Variants in B3GLCT observed in about 807,000 individuals in gnomAD.
B3GLCT encodes the protein beta 3-glucosyltransferase, also known as beta-1,3-glucosyltransferase.
In B3GLCT, 65 loss-of-function variants were observed where a neutral mutation model predicts 63.4. The ratio of observed to expected loss-of-function variants is 1.03; its 90% CI spans 0.84 to 1.26. B3GLCT has a LOEUF of 1.26. B3GLCT is among the 50% of genes most tolerant of loss of function. B3GLCT has a pLI of 0.00. For missense variants in B3GLCT, 577 were observed against 604.8 expected (o/e 0.95, Z 0.48); for synonymous variants, 233 against 219.2 (o/e 1.06, Z -0.55).
chr13:31,222,859 G>C, intron 2 of B3GLCT, 93 bp from the exon 3 acceptor site: 1 of 872,458 alleles, frequency 1.1e-6, no homozygotes, highest in East Asian at 2.5e-5. Flanking sequence ...CCCATGTGCT[G>C]ATACATACCA....
At chr13:31,300,824 G>A (rs1413272822) in intron 12 of B3GLCT, among the ~76,000 whole-genome samples, 1 of 152,122 alleles carries the variant, frequency 6.6e-6, no homozygotes, top group Non-Finnish European at 1.5e-5. Flanking sequence ...GAGCAGTAAG[G>A]GATGATAAAA....
intron 12 of B3GLCT, among the ~76,000 whole-genome samples, chr13:31,288,441 A>T (rs777136457): frequency 3.3e-5 from 5 of 152,194 alleles, no homozygotes; most frequent in East Asian, 1.9e-4. Flanking sequence ...AGGCCCAAGA[A>T]TCAGCCATTC....
chr13:31,300,480 ATTAC>A (rs1322122685), intron 12 of B3GLCT, among the ~76,000 whole-genome samples: 1 of 152,208 alleles, frequency 6.6e-6, no homozygotes, highest in Non-Finnish European at 1.5e-5. Context: ...GACTGGAGTT[ATTAC>A]TTAAAGTAGT....
chr13:31,295,237 T>A (rs1005487038), intron 12 of B3GLCT, among the ~76,000 whole-genome samples: 1 of 152,322 alleles, frequency 6.6e-6, no homozygotes, highest in Non-Finnish European at 1.5e-5. Context: ...CTCTGCTGTA[T>A]GAGGAGTCTG....
chr13:31,205,894 A>G (rs1868925427), intron 1 of B3GLCT, among the ~76,000 whole-genome samples: 2 of 152,260 alleles, frequency 1.3e-5, no homozygotes, highest in Admixed American at 1.3e-4. Flanking sequence ...GTATCATCAA[A>G]TAAGAGTTGA....
chr13:31,221,373 G>C (rs1225528246), intron 2 of B3GLCT, among the ~76,000 whole-genome samples: 1 of 152,210 alleles, frequency 6.6e-6, no homozygotes, highest in Non-Finnish European at 1.5e-5. Flanking sequence ...CTGGTCAAGA[G>C]TGGCATTTAG....
intron 6 of B3GLCT, among the ~76,000 whole-genome samples, chr13:31,257,880 G>A (rs1566066519): frequency 6.6e-6 from 1 of 152,124 alleles, no homozygotes; most frequent in African/African-American, 2.4e-5. Context: ...TCTATTACAT[G>A]TTAGGTGTAC....
At chr13:31,297,243 C>T (rs928538287) in intron 12 of B3GLCT, among the ~76,000 whole-genome samples, 2 of 152,066 alleles carry the variant, frequency 1.3e-5, no homozygotes, top group Non-Finnish European at 2.9e-5. Flanking sequence ...ATGACTAGAT[C>T]ATATGGTAAT....
chr13:31,280,449 C>T (rs528597235), intron 10 of B3GLCT, among the ~76,000 whole-genome samples: 3 of 152,236 alleles, frequency 2.0e-5, no homozygotes, highest in Non-Finnish European at 4.4e-5. Context: ...TCTAGAGAAA[C>T]TGTACTTGTG....
chr13:31,207,351 G>T (rs1324822347), intron 1 of B3GLCT, among the ~76,000 whole-genome samples: 2 of 151,414 alleles, frequency 1.3e-5, no homozygotes, highest in African/African-American at 4.9e-5. Context: ...TAGGCTGTGT[G>T]ACCAGGGATT....
Position 31,223,000 on chromosome 13 carries a change from T to A in B3GLCT, c.160+9T>A. 2 of 1,475,812 alleles carry A rather than the reference T, an allele frequency of 1.4e-6. No individual in the cohort carries two copies. Among genetic ancestry groups the A allele is most frequent in the Non-Finnish European group, 1.9e-6 (2 of 1,055,086 alleles). 91.4% of individuals were successfully genotyped at this position (1,475,812 alleles called of 1,614,324 possible). A position where few individuals can be genotyped will look rare whatever the true frequency, so the allele number is the denominator to read the frequency against. On this transcript the variant is annotated intron_variant, in intron 3 of 14. Coordinates refer to ENST00000343307, the MANE Select transcript of B3GLCT (RefSeq NM_194318.4). ...AAGGAAAAATGACATAGGTAAGTAA[T>A]GATTTTTTTTACCTAAGAGTGTGTA... is the stretch of plus-strand genomic sequence containing the variant.
At chr13:31,214,910 C>A in intron 1 of B3GLCT, 141 bp from the exon 2 acceptor site, 1 of 741,416 alleles carries the variant, frequency 1.3e-6, no homozygotes, top group Non-Finnish European at 2.2e-6. Context: ...TACAAGTTTG[C>A]AGCAATGCAG....
chr13:31,233,630 A>G (rs569398311), intron 4 of B3GLCT, among the ~76,000 whole-genome samples: 2 of 152,206 alleles, frequency 1.3e-5, no homozygotes, highest in African/African-American at 4.8e-5. Flanking sequence ...TGTACCTTGC[A>G]GTTGTATATG....
At chr13:31,271,574 A>G (rs1168439207) in intron 8 of B3GLCT, among the ~76,000 whole-genome samples, 2 of 152,120 alleles carry the variant, frequency 1.3e-5, no homozygotes, top group East Asian at 1.9e-4. Flanking sequence ...TGTTTCTGTT[A>G]TTGATTTCTA....
At chr13:31,210,896 T>C (rs1433697723) in intron 1 of B3GLCT, among the ~76,000 whole-genome samples, 1 of 152,004 alleles carries the variant, frequency 6.6e-6, no homozygotes, top group East Asian at 1.9e-4. Context: ...AGGTGTGCAC[T>C]AGCAAGCCTG....
chr13:31,215,339 G>A lies in B3GLCT; in HGVS notation c.120+239G>A, dbSNP rs538748511. Reference sequence around the variant, plus strand: ...TTTTAAAGTTATTTTGAGAAAAAACGTGTTTTGACATAGAGTTGGACATTT... The same window carrying A: ...TTTTAAAGTTATTTTGAGAAAAAACATGTTTTGACATAGAGTTGGACATTT... On this transcript the variant is annotated intron_variant, in intron 2 of 14. Transcript: ENST00000343307. 1.2e-4 allele frequency among the ~76,000 whole-genome samples: 18 copies of A among 152,276 alleles called. 1 individual carries two copies. The highest frequency in any genetic ancestry group is 1.9e-4 in the Non-Finnish European group (13 of 68,010).
intron 10 of B3GLCT, chr13:31,283,447 C>G (rs1593295758): frequency 6.6e-6 from 1 of 152,038 alleles, no homozygotes; most frequent in Non-Finnish European, 1.5e-5. Context: ...CCGCCAGTAG[C>G]CCTATTATTT....
At chr13:31,274,774 G>A in intron 9 of B3GLCT, 146 bp downstream of exon 9, 1 of 1,038,258 alleles carries the variant, frequency 9.6e-7, no homozygotes, top group South Asian at 1.4e-5. Context: ...GTGATGCTAA[G>A]GTTTGGGCTT....
At position 31,274,511 on chromosome 13, in the gene B3GLCT, T is replaced by G; in HGVS notation, c.663T>G (p.Ile221Met). 1 of 1,614,232 alleles carries G rather than the reference T, an allele frequency of 6.2e-7. No homozygotes were observed. Among genetic ancestry groups the G allele is most frequent in the African/African-American group, 1.3e-5 (1 of 75,068 alleles). ...SDFTIDLKHE[I>M]ALYIWDKGGG... is the part of the protein sequence containing the mutation. ...GCCTGTCTCCTGTCTCGTGGCAGAT[T>G]GCCCTCTACATCTGGGACAAAGGCG... The change falls in exon 9 of 15, where the codon ATT (isoleucine) becomes ATG (methionine). Residue 221 changes from isoleucine to methionine, a missense_variant and splice_region_variant. Physicochemically the swap from Ile to Met is conservative, Grantham distance 10. Coordinates refer to ENST00000343307, the MANE Select transcript of B3GLCT (RefSeq NM_194318.4).
Sources: allele counts gnomAD v4.1 joint callset (sites outside exome capture counted in the v4.1 genomes callset), GRCh38; gene constraint gnomAD v4.1.1; transcripts MANE v1.5; gene names NCBI Gene and HGNC (gene_info 2026-07-23, HGNC 2026-07-21).